Variants in CDH4 observed in about 807,000 individuals in gnomAD.
CDH4 encodes the protein cadherin 4.
Under a neutral mutation model 86.0 loss-of-function variants are expected in CDH4, and 33 were observed. The observed-to-expected ratio is 0.38, with a 90% CI of 0.29 to 0.51. CDH4 has a LOEUF of 0.51. Among genes scored for constraint, CDH4 ranks in the 20% least tolerant of loss-of-function variants. The pLI is 0.86. For missense variants in CDH4, 1,114 were observed against 1,307.4 expected (o/e 0.85, Z 2.28); for synonymous variants, 555 against 549.4 (o/e 1.01, Z -0.14).
At chr20:61,760,601 C>A (rs11908430) in intron 3 of CDH4, among the ~76,000 whole-genome samples, 1 of 148,338 alleles carries the variant, frequency 6.7e-6, no homozygotes, top group Non-Finnish European at 1.5e-5. Flanking sequence ...CCTGGGGGCA[C>A]TGAGCCCAGA....
rs1306569028 is a variant in CDH4 at position 61,607,389 on chromosome 20, G to C, written c.170-136174G>C. Among the ~76,000 whole-genome samples the C allele has an allele frequency of 2.0e-5, 3 of 152,018 alleles. No homozygotes were observed. In the East Asian group the frequency reaches 5.8e-4, roughly 29 times the overall value. ...TTTTTATTCCACTTAAGATGAGAAG[G>C]TCCTGTTTGGAAAATACACTTGATG... On this transcript the variant is annotated intron_variant, in intron 2 of 15. Coordinates refer to ENST00000614565, the MANE Select transcript of CDH4 (RefSeq NM_001794.5).
intron 2 of CDH4, among the ~76,000 whole-genome samples, chr20:61,631,494 G>A (rs915751443): frequency 2.0e-5 from 3 of 152,142 alleles, no homozygotes; most frequent in African/African-American, 7.2e-5. Flanking sequence ...ACAAAAATTA[G>A]CTAGGCTGGG....
intron 4 of CDH4, among the ~76,000 whole-genome samples, chr20:61,808,421 G>A (rs933913994): frequency 2.0e-5 from 3 of 151,978 alleles, no homozygotes; most frequent in East Asian, 1.9e-4. Context: ...TAATCACTCC[G>A]CCCTGCAGTC....
chr20:61,410,868 T>G (rs985952225), intron 2 of CDH4, among the ~76,000 whole-genome samples: 1 of 151,816 alleles, frequency 6.6e-6, no homozygotes, highest in African/African-American at 2.4e-5. Context: ...CGTCCATCTA[T>G]CCTCTCACCT....
At chr20:61,785,879 G>A (rs1978853473) in intron 4 of CDH4, among the ~76,000 whole-genome samples, 1 of 152,212 alleles carries the variant, frequency 6.6e-6, no homozygotes, top group African/African-American at 2.4e-5. Context: ...CAGGGAGCGT[G>A]CGAGCGAGTG....
At chr20:61,423,549 C>G (rs571445793) in intron 2 of CDH4, among the ~76,000 whole-genome samples, 1 of 152,158 alleles carries the variant, frequency 6.6e-6, no homozygotes, top group Non-Finnish European at 1.5e-5. Context: ...TGCAAACGCA[C>G]TCGGATGAAC....
chr20:61,591,328 G>C (rs1023374051), intron 2 of CDH4, among the ~76,000 whole-genome samples: 1 of 152,190 alleles, frequency 6.6e-6, no homozygotes. Flanking sequence ...CATAAGTAAT[G>C]TATTTTATGA....
At chr20:61,337,355 G>GTGATGA (rs60373917) in intron 2 of CDH4, among the ~76,000 whole-genome samples, 1 of 65,796 alleles carries the variant, frequency 1.5e-5, no homozygotes, top group Non-Finnish European at 3.3e-5. Flanking sequence ...GATAACAATG[G>GTGATGA]TGATGATGAT....
intron 2 of CDH4, among the ~76,000 whole-genome samples, chr20:61,442,061 C>T (rs891362148): frequency 1.2e-4 from 18 of 152,182 alleles, no homozygotes; most frequent in African/African-American, 4.1e-4. Flanking sequence ...CACTTGAAGA[C>T]CACCCAGACG....
chr20:61,636,982 G>A (rs1018046097), intron 2 of CDH4, among the ~76,000 whole-genome samples: 5 of 152,128 alleles, frequency 3.3e-5, no homozygotes, highest in South Asian at 2.1e-4. Context: ...TCCACCCCTC[G>A]GCGTGCAGAG....
intron 2 of CDH4, among the ~76,000 whole-genome samples, chr20:61,355,737 G>A (rs28410317): frequency 0.034 from 5,108 of 152,292 alleles, 213 homozygotes; most frequent in African/African-American, 0.092. Context: ...CCTGTCTGCC[G>A]CCTGTCTGTG....
At position 61,541,063 on chromosome 20, in the gene CDH4, C is replaced by T. The variant is rs559739832; in HGVS notation, c.170-202500C>T. ...ATTGCTAACTAAAATAGCTTATTAG[C>T]TGCCATTTTACCCGTGTGCTCGGAG... On this transcript the variant is annotated intron_variant, in intron 2 of 15. Transcript: ENST00000614565. 3.3e-5 allele frequency among the ~76,000 whole-genome samples: 5 copies of T among 152,306 alleles called. No homozygotes were observed. In the East Asian group the frequency reaches 9.6e-4, roughly 29 times the overall value.
chr20:61,431,359 G>GTTTT (rs34959436), intron 2 of CDH4, among the ~76,000 whole-genome samples: 25 of 129,966 alleles, frequency 1.9e-4, no homozygotes, highest in African/African-American at 6.7e-4. Context: ...TTTTTTGTTG[G>GTTTT]TTTTTTTTTT....
chr20:61,290,592 G>T (rs965855985), intron 2 of CDH4, among the ~76,000 whole-genome samples: 2 of 152,248 alleles, frequency 1.3e-5, no homozygotes, highest in Non-Finnish European at 2.9e-5. Flanking sequence ...TTGACTACCT[G>T]CCCTGGTCCT....
chr20:61,439,984 C>G (rs1213674759), intron 2 of CDH4, among the ~76,000 whole-genome samples: 1 of 152,248 alleles, frequency 6.6e-6, no homozygotes, highest in Admixed American at 6.5e-5. Context: ...CTAATACACT[C>G]AGGTCATCAC....
intron 2 of CDH4, among the ~76,000 whole-genome samples, chr20:61,595,694 G>A (rs1419513809): frequency 3.9e-5 from 6 of 152,204 alleles, no homozygotes; most frequent in Non-Finnish European, 7.3e-5. Context: ...AGCGAGGCTC[G>A]TTTCGATACT....
At chr20:61,665,644 C>T (rs1052646848) in intron 2 of CDH4, among the ~76,000 whole-genome samples, 2 of 152,328 alleles carry the variant, frequency 1.3e-5, no homozygotes, top group African/African-American at 4.8e-5. Context: ...ATGATGGATG[C>T]GAACGAGTGC....
chr20:61,533,933 A>G (rs2085974850), intron 2 of CDH4, among the ~76,000 whole-genome samples: 1 of 152,176 alleles, frequency 6.6e-6, no homozygotes, highest in African/African-American at 2.4e-5. Flanking sequence ...TCCGAACTGT[A>G]GTTGGGAGGT....
In CDH4 at chr20:61,601,659, T is replaced by C. The variant is rs1281312293; in HGVS notation, c.170-141904T>C. On this transcript the variant is annotated intron_variant, in intron 2 of 15. Coordinates refer to ENST00000614565, the MANE Select transcript of CDH4 (RefSeq NM_001794.5). ...AGTCCAGGGGAGGGAAGGCAGAGAC[T>C]GGGCCCTGTCTGGCCTTTCCCTGGT... 2.6e-5 allele frequency among the ~76,000 whole-genome samples: 4 copies of C among 152,304 alleles called. No individual in the cohort carries two copies. The East Asian group carries it at 7.7e-4, about 29-fold the overall frequency.
Sources: allele counts gnomAD v4.1 joint callset (sites outside exome capture counted in the v4.1 genomes callset), GRCh38; gene constraint gnomAD v4.1.1; transcripts MANE v1.5; gene names NCBI Gene and HGNC (gene_info 2026-07-23, HGNC 2026-07-21).